The following COG5 variants were observed in gnomAD, a reference collection of about 807,000 sequenced individuals.
COG5 encodes the protein conserved oligomeric Golgi complex subunit 5.
COG5 carries 86 observed loss-of-function variants against 110.4 expected under a neutral mutation model. The ratio of observed to expected loss-of-function variants is 0.78; its 90% CI spans 0.65 to 0.93. The LOEUF is 0.93. Among genes scored for constraint, COG5 ranks in the 40% least tolerant of loss-of-function variants. COG5 has a pLI of 0.00. For missense variants in COG5, 1,077 were observed against 987.0 expected (o/e 1.09, Z -1.22); for synonymous variants, 360 against 334.6 (o/e 1.08, Z -0.83).
chr7:107,492,901 GCA>G (rs1236330206), intron 6 of COG5, among the ~76,000 whole-genome samples: 1 of 152,120 alleles, frequency 6.6e-6, no homozygotes, highest in Non-Finnish European at 1.5e-5. Flanking sequence ...TTGTTGAGCT[GCA>G]CTGATTTGAA....
intron 11 of COG5, among the ~76,000 whole-genome samples, chr7:107,305,029 G>A (rs1807590716): frequency 6.6e-6 from 1 of 152,208 alleles, no homozygotes; most frequent in Admixed American, 6.5e-5. Context: ...AGTGCTAAAT[G>A]TCTTGAAGAA....
chr7:107,268,141 TAGTTTTA>T (rs1287752529), intron 14 of COG5, among the ~76,000 whole-genome samples: 1 of 152,100 alleles, frequency 6.6e-6, no homozygotes, highest in Non-Finnish European at 1.5e-5. Context: ...GCTAATTTTG[TAGTTTTA>T]GCACAGACGG....
At chr7:107,269,192 T>A (rs17350182) in intron 14 of COG5, among the ~76,000 whole-genome samples, 23,762 of 152,142 alleles carry the variant, frequency 0.16, 2,317 homozygotes, top group Non-Finnish European at 0.22. Context: ...ATATTCAATT[T>A]AGGCCTGGCG....
intron 8 of COG5, 45 bp downstream of exon 8, chr7:107,372,550 C>T (rs1200403607): frequency 6.3e-7 from 1 of 1,584,416 alleles, no homozygotes. Context: ...AAAGACTTCT[C>T]AGTTATAAAT....
chr7:107,300,515 A>G (rs1213852123), intron 11 of COG5, among the ~76,000 whole-genome samples: 1 of 152,226 alleles, frequency 6.6e-6, no homozygotes, highest in Non-Finnish European at 1.5e-5. Flanking sequence ...AAACTCAGTC[A>G]TATGTCTGTA....
chr7:107,508,196 C>T (rs1354794173), intron 6 of COG5, among the ~76,000 whole-genome samples: 1 of 152,184 alleles, frequency 6.6e-6, no homozygotes, highest in Non-Finnish European at 1.5e-5. Flanking sequence ...TGCACTTTTC[C>T]AATGGGCTTA....
At chr7:107,369,590 T>C (rs1009215818) in intron 8 of COG5, among the ~76,000 whole-genome samples, 6 of 152,062 alleles carry the variant, frequency 3.9e-5, no homozygotes, top group African/African-American at 7.2e-5. Flanking sequence ...GGTTTTACCA[T>C]GTTGGCCAGG....
At chr7:107,368,614 T>C (rs1334415907) in intron 8 of COG5, among the ~76,000 whole-genome samples, 2 of 152,194 alleles carry the variant, frequency 1.3e-5, no homozygotes, top group East Asian at 3.8e-4. Context: ...ATCTTAAAAT[T>C]CCATTTATGC....
At chr7:107,445,802 C>A (rs1209188548) in intron 6 of COG5, among the ~76,000 whole-genome samples, 2 of 152,192 alleles carry the variant, frequency 1.3e-5, no homozygotes, top group African/African-American at 2.4e-5. Flanking sequence ...ATTCTTTTAA[C>A]AAATATTTAT....
chr7:107,495,334 A>G (rs1798209947), intron 6 of COG5, among the ~76,000 whole-genome samples: 2 of 152,162 alleles, frequency 1.3e-5, no homozygotes, highest in Non-Finnish European at 2.9e-5. Flanking sequence ...TACACTCCCA[A>G]AGTGGCAGCT....
chr7:107,410,349 C>T (rs542970462), intron 7 of COG5, among the ~76,000 whole-genome samples: 9 of 152,146 alleles, frequency 5.9e-5, no homozygotes, highest in Admixed American at 5.2e-4. Context: ...ATAAGTAGAC[C>T]CAGAGAAGGG....
chr7:107,357,794 G>A (rs1378847180), intron 10 of COG5, among the ~76,000 whole-genome samples: 1 of 152,124 alleles, frequency 6.6e-6, no homozygotes, highest in Non-Finnish European at 1.5e-5. Context: ...TCAGACTCCT[G>A]AATATCTGGA....
At chr7:107,279,076 TAAAC>T (rs887236121) in intron 14 of COG5, among the ~76,000 whole-genome samples, 22 of 152,024 alleles carry the variant, frequency 1.4e-4, no homozygotes, top group African/African-American at 5.3e-4. Context: ...ACAAAGAACT[TAAAC>T]AAATTTACAA....
chr7:107,512,380 C>T (rs1039280196), intron 6 of COG5, among the ~76,000 whole-genome samples: 5 of 152,244 alleles, frequency 3.3e-5, no homozygotes, highest in Middle Eastern at 3.4e-3. Flanking sequence ...CAAGCCACTG[C>T]TCAGTGAAAT....
chr7:107,293,275 T>C (rs1806324724), intron 12 of COG5, among the ~76,000 whole-genome samples: 1 of 152,116 alleles, frequency 6.6e-6, no homozygotes, highest in African/African-American at 2.4e-5. Context: ...ACTCCTGACC[T>C]CGCTTACCTG....
intron 7 of COG5, among the ~76,000 whole-genome samples, chr7:107,380,765 T>A (rs1220416249): frequency 1.3e-5 from 2 of 152,162 alleles, no homozygotes; most frequent in Non-Finnish European, 2.9e-5. Flanking sequence ...TCCGAAACTA[T>A]TCCAAACAAT....
chr7:107,559,587 A>G (rs1803615067), intron 1 of COG5, among the ~76,000 whole-genome samples: 1 of 152,238 alleles, frequency 6.6e-6, no homozygotes, highest in South Asian at 2.1e-4. Flanking sequence ...ATGTATCATT[A>G]GTATCATTCT....
At chr7:107,373,087 A>G (rs866660396) in intron 7 of COG5, among the ~76,000 whole-genome samples, 19 of 152,274 alleles carry the variant, frequency 1.2e-4, no homozygotes, top group African/African-American at 3.4e-4. Context: ...CTATAAAAAG[A>G]ACCATATTAG....
intron 16 of COG5, among the ~76,000 whole-genome samples, chr7:107,251,482 A>G (rs1038682964): frequency 1.3e-5 from 2 of 152,134 alleles, no homozygotes; most frequent in Non-Finnish European, 2.9e-5. Flanking sequence ...TTTTCTTAAT[A>G]AACTTGCTTT....
Sources: gnomAD v4.1 joint callset for allele counts (sites outside exome capture counted in the v4.1 genomes callset) on GRCh38, gnomAD v4.1.1 for gene constraint, MANE v1.5 for transcripts, NCBI Gene and HGNC (gene_info 2026-07-23, HGNC 2026-07-21) for gene names.